Variants in RYR3 observed in about 807,000 individuals in gnomAD.
The protein encoded by RYR3 is ryanodine receptor 3.
Under a neutral mutation model 584.3 loss-of-function variants are expected in RYR3, and 207 were observed. The observed-to-expected ratio is 0.35, with a 90% CI of 0.32 to 0.40. The LOEUF (loss-of-function observed/expected upper bound fraction) is 0.40. Ranked by LOEUF, RYR3 falls within the 10% of genes least tolerant of loss-of-function variation. The probability of loss-of-function intolerance (pLI) is 1.00; values close to 1 mark genes in which losing one functional copy is unlikely to be tolerated. For missense variants in RYR3, 5,616 were observed against 6,089.2 expected (o/e 0.92, Z 2.59); for synonymous variants, 2,416 against 2,248.5 (o/e 1.07, Z -2.11).
intron 11 of RYR3, among the ~76,000 whole-genome samples, chr15:33,564,088 T>C (rs2057564544): frequency 6.6e-6 from 1 of 152,218 alleles, no homozygotes; most frequent in Admixed American, 6.5e-5. Context: ...GTTTTCTCCT[T>C]CAGCACATTT....
Position 33,823,080 on chromosome 15 carries a change from C to A in RYR3, c.11072+8C>A. 1 of 1,609,238 alleles carries A rather than the reference C, an allele frequency of 6.2e-7. No individual in the cohort carries two copies. The highest frequency in any genetic ancestry group is 8.5e-7 in the Non-Finnish European group (1 of 1,177,248). The stretch of plus-strand genomic sequence containing the variant: ...TCTTATGCAGTCTTGCAGGTAAATG[C>A]GGGAAAACTACCATAGCATTTAAAA... On this transcript the variant is annotated splice_region_variant and intron_variant, in intron 81 of 103. Transcript: ENST00000634891.
intron 48 of RYR3, among the ~76,000 whole-genome samples, chr15:33,734,689 T>A (rs60579816): frequency 3.2e-5 from 1 of 31,090 alleles, no homozygotes; most frequent in Non-Finnish European, 6.7e-5. Context: ...TTTTTTTTTC[T>A]TTTTTTTTTT....
At chr15:33,481,021 C>A (rs2049915609) in intron 2 of RYR3, among the ~76,000 whole-genome samples, 1 of 152,094 alleles carries the variant, frequency 6.6e-6, no homozygotes, top group African/African-American at 2.4e-5. Flanking sequence ...CATGTGTATT[C>A]AGAATTTTTG....
chr15:33,548,800 A>G (rs912112585), intron 9 of RYR3, among the ~76,000 whole-genome samples: 5 of 152,292 alleles, frequency 3.3e-5, no homozygotes, highest in Admixed American at 6.5e-5. Context: ...ATCACTTTCA[A>G]TGCAGGACCT....
At chr15:33,763,895 A>AAACAAAAAC (rs1452543157) in intron 60 of RYR3, among the ~76,000 whole-genome samples, 1 of 125,936 alleles carries the variant, frequency 7.9e-6, no homozygotes, top group African/African-American at 3.5e-5. Context: ...TTCATCTCAA[A>AAACAAAAAC]AAAAAAAAAA....
At position 33,672,785 on chromosome 15, in the gene RYR3, C is replaced by T. The variant is rs545178462; in HGVS notation, c.5860+2229C>T. On this transcript the variant is annotated intron_variant, in intron 38 of 103. Transcript: ENST00000634891. ...ATAAAAGTGTAGATAGTGTTAGAAA[C>T]GTTATACAATGAATTGGCAGTTTAC... Among the ~76,000 whole-genome samples the T allele has an allele frequency of 5.3e-5, 8 of 152,188 alleles. No homozygotes were observed. The South Asian group carries it at 8.3e-4, about 16-fold the overall frequency.
intron 63 of RYR3, among the ~76,000 whole-genome samples, chr15:33,773,329 G>C (rs35524374): frequency 6.6e-6 from 1 of 152,158 alleles, no homozygotes; most frequent in Non-Finnish European, 1.5e-5. Context: ...GGATTGCTCA[G>C]TGGAGGATTT....
intron 38 of RYR3, among the ~76,000 whole-genome samples, chr15:33,687,860 A>G (rs1469485203): frequency 1.3e-5 from 2 of 152,228 alleles, no homozygotes; most frequent in African/African-American, 2.4e-5. Flanking sequence ...GGCTAGCCAT[A>G]TGTAGAAAGC....
At chr15:33,741,484 A>C (rs1215777681) in intron 51 of RYR3, among the ~76,000 whole-genome samples, 4 of 578 alleles carry the variant, frequency 6.9e-3, no homozygotes, top group South Asian at 0.25. Context: ...CACTGCATGC[A>C]ATATAAGACT....
At chr15:33,755,302 T>C (rs560467271) in intron 58 of RYR3, 122 bp downstream of exon 58, 1 of 679,766 alleles carries the variant, frequency 1.5e-6, no homozygotes, top group Non-Finnish European at 2.5e-6. Context: ...AAACAGTGGC[T>C]GAAATTTTTT....
chr15:33,779,085 C>G (rs2074214433), intron 64 of RYR3, among the ~76,000 whole-genome samples: 1 of 152,200 alleles, frequency 6.6e-6, no homozygotes, highest in Non-Finnish European at 1.5e-5. Flanking sequence ...ACCCTTCCCT[C>G]CTCCTTCTCT....
At chr15:33,354,424 G>A (rs567230117) in intron 1 of RYR3, among the ~76,000 whole-genome samples, 2 of 152,278 alleles carry the variant, frequency 1.3e-5, no homozygotes, top group African/African-American at 4.8e-5. Context: ...TTTGACTAAT[G>A]TCACCTATGA....
intron 34 of RYR3, among the ~76,000 whole-genome samples, chr15:33,661,482 T>G (rs1336609721): frequency 6.6e-6 from 1 of 152,118 alleles, no homozygotes; most frequent in Non-Finnish European, 1.5e-5. Context: ...AGATCAGTGG[T>G]CCCCAGCCTT....
intron 1 of RYR3, among the ~76,000 whole-genome samples, chr15:33,381,497 T>G (rs1351592581): frequency 1.3e-5 from 2 of 152,214 alleles, no homozygotes; most frequent in African/African-American, 4.8e-5. Context: ...TGTCCTCCAC[T>G]ATCCTCTGCT....
At position 33,837,728 on chromosome 15, in the gene RYR3, C is replaced by A. The variant is rs775956290; in HGVS notation, c.11748C>A (p.Phe3916Leu). The A allele has an allele frequency of 6.2e-7, 1 of 1,612,942 alleles. No homozygotes were observed. The highest frequency in any genetic ancestry group is 8.5e-7 in the Non-Finnish European group (1 of 1,179,444). ...TGATCTTGAAATTCTTTGACATGTT[C>A]TTGAAACTTAAAGACTTAACCAGCT... ...VEMILKFFDM[F>L]LKLKDLTSSD... Residue 3916 changes from phenylalanine to leucine, a missense_variant, in exon 89 of 104, where the codon TTC (phenylalanine) becomes TTA (leucine). By Grantham distance (22) the Phe-to-Leu change is conservative. Around this residue, in one of 9 missense-constraint regions of RYR3, gnomAD observed 258 missense variants for 297.3 expected, o/e 0.87. Coordinates refer to ENST00000634891, the MANE Select transcript of RYR3 (RefSeq NM_001036.6).
chr15:33,765,858 C>T (rs2073012299), intron 60 of RYR3, among the ~76,000 whole-genome samples: 1 of 152,102 alleles, frequency 6.6e-6, no homozygotes, highest in South Asian at 2.1e-4. Context: ...CTCTGTGAAA[C>T]ATCATGATGT....
At chr15:33,688,552 G>A (rs541159477) in intron 38 of RYR3, among the ~76,000 whole-genome samples, 92 of 135,080 alleles carry the variant, frequency 6.8e-4, no homozygotes, top group Non-Finnish European at 8.7e-4. Context: ...CAGCCTGGGC[G>A]ACAGAGCGAG....
At chr15:33,597,733 T>G (rs2059444453) in intron 16 of RYR3, among the ~76,000 whole-genome samples, 1 of 152,188 alleles carries the variant, frequency 6.6e-6, no homozygotes, top group South Asian at 2.1e-4. Flanking sequence ...AAGCATTTAT[T>G]TAGTCTTATT....
chr15:33,534,000 C>T (rs1319129047), intron 5 of RYR3, among the ~76,000 whole-genome samples: 5 of 152,096 alleles, frequency 3.3e-5, no homozygotes, highest in Admixed American at 1.3e-4. Context: ...TAATGAAAAC[C>T]ATGTCATTAA....
Sources: allele counts gnomAD v4.1 joint callset (sites outside exome capture counted in the v4.1 genomes callset), GRCh38; gene constraint gnomAD v4.1.1; regional missense constraint gnomAD v4.1.1; transcripts MANE v1.5; gene names NCBI Gene and HGNC (gene_info 2026-07-23, HGNC 2026-07-21).